The following EPG5 variants were observed in gnomAD, a reference collection of about 807,000 sequenced individuals.
The protein encoded by EPG5 is ectopic P-granules 5 autophagy tethering factor.
A neutral mutation model predicts 302.7 loss-of-function variants in EPG5; 159 were observed. The observed-to-expected ratio is 0.53, with a 90% CI of 0.46 to 0.60. EPG5 has a LOEUF of 0.60. Ranked by LOEUF, EPG5 falls within the 20% of genes least tolerant of loss-of-function variation. The probability of loss-of-function intolerance (pLI) is 0.00; values close to 1 mark genes in which losing one functional copy is unlikely to be tolerated. For missense variants in EPG5, 2,896 were observed against 3,092.4 expected (o/e 0.94, Z 1.51); for synonymous variants, 1,158 against 1,136.8 (o/e 1.02, Z -0.37).
At chr18:45,803,434 G>A in the EPG5 span, among the ~76,000 whole-genome samples, 1 of 152,162 alleles carries the variant, frequency 6.6e-6, no homozygotes, top group Non-Finnish European at 1.5e-5. Context: ...TGGAAGAAAG[G>A]GTTAGTAGGA....
At chr18:45,954,309 G>T in intron 2 of EPG5, 85 bp downstream of exon 2, 2 of 1,235,828 alleles carry the variant, frequency 1.6e-6, no homozygotes, top group Non-Finnish European at 2.3e-6. Context: ...GGTCAGAGTG[G>T]GTGTAAGGCA....
chr18:45,878,881 G>T, intron 33 of EPG5, 132 bp downstream of exon 33: 1 of 686,324 alleles, frequency 1.5e-6, no homozygotes, highest in Non-Finnish European at 2.5e-6. Flanking sequence ...ACATATATGG[G>T]CTCATGCCTG....
At position 45,954,655 on chromosome 18, in the gene EPG5, T is replaced by C. The variant is rs1238499341; in HGVS notation, c.747A>G (p.Gln249=). ...SERLYPELPS[Q]LELVPFTKEQ... ...CTTTAGTAAATGGTACTAGTTCCAGTTGAGACGGGAGTTCTGGGTAGAGTC... is the reference window on the plus strand; with the variant it reads ...CTTTAGTAAATGGTACTAGTTCCAGCTGAGACGGGAGTTCTGGGTAGAGTC... The change falls in exon 2 of 44, where the codon CAA becomes CAG. Residue 249 remains glutamine, a synonymous_variant. Coordinates refer to ENST00000282041, the MANE Select transcript of EPG5 (RefSeq NM_020964.3). 1 of 1,614,138 alleles carries C rather than the reference T, an allele frequency of 6.2e-7. No individual in the cohort carries two copies. The highest frequency in any genetic ancestry group is 1.3e-5 in the African/African-American group (1 of 74,948).
At chr18:45,956,610 A>G (rs2051038636) in intron 1 of EPG5, among the ~76,000 whole-genome samples, 1 of 151,890 alleles carries the variant, frequency 6.6e-6, no homozygotes, top group Non-Finnish European at 1.5e-5. Flanking sequence ...GCACCTGACT[A>G]ATTTTTTGTA....
intron 23 of EPG5, among the ~76,000 whole-genome samples, chr18:45,908,914 A>C (rs1599548225): frequency 6.6e-6 from 1 of 151,996 alleles, no homozygotes; most frequent in Non-Finnish European, 1.5e-5. Context: ...GTGCCACTGC[A>C]CTTCAGCCTG....
Position 45,948,503 on chromosome 18 carries a change from T to A in EPG5, c.1571A>T (p.Lys524Ile). 1 of 1,612,296 alleles carries A rather than the reference T, an allele frequency of 6.2e-7. No individual in the cohort carries two copies. The highest frequency in any genetic ancestry group is 8.5e-7 in the Non-Finnish European group (1 of 1,178,422). ...QSLALLMSPV[K>I]NRAEFMCHMK... Reference sequence around the variant, plus strand: ...CTTCACAAAGCTCTTGCACACTTACTTGACAGGAGACATCAGCAGGGCAAG... The same window carrying A: ...CTTCACAAAGCTCTTGCACACTTACATGACAGGAGACATCAGCAGGGCAAG... The change falls in exon 6 of 44, where the codon AAA becomes ATA. Residue 524 changes from lysine to isoleucine, a missense_variant and splice_region_variant. Transcript: ENST00000282041.
chr18:45,893,259 A>T (rs145705427), intron 27 of EPG5, among the ~76,000 whole-genome samples: 2 of 152,298 alleles, frequency 1.3e-5, no homozygotes, highest in Non-Finnish European at 2.9e-5. Flanking sequence ...ACTCATCCTC[A>T]TTCTGTGAAG....
At chr18:45,948,058 A>T in intron 6 of EPG5, among the ~76,000 whole-genome samples, 1 of 152,122 alleles carries the variant, frequency 6.6e-6, no homozygotes, top group East Asian at 1.9e-4. Context: ...TACAGGTGTG[A>T]GCCACCATGC....
chr18:45,889,366 A>G (rs889222983), intron 28 of EPG5, among the ~76,000 whole-genome samples: 4 of 152,274 alleles, frequency 2.6e-5, no homozygotes, highest in African/African-American at 9.6e-5. Context: ...AACTTTGTTC[A>G]GTCATCTGAG....
In EPG5 at chr18:45,928,874, C is replaced by T. The variant is rs199547969; in HGVS notation, c.2548G>A (p.Gly850Arg). 6.8e-6 allele frequency: 11 copies of T among 1,611,804 alleles called. No homozygotes were observed. The highest frequency in any genetic ancestry group is 1.7e-5 in the Admixed American group (1 of 59,564). ...AACAAAATCAGTGCTCTTACCATTC[C>T]AACCTGGTCAATGGTCTCTTGAACT... ...DRVQETIDQVGMVSLYLFKEL... is the reference protein window; with the variant it reads ...DRVQETIDQVRMVSLYLFKEL... The change falls in exon 13 of 44, where the codon GGA (glycine) becomes AGA (arginine). Residue 850 changes from glycine to arginine, a missense_variant. Gly to Arg is a moderately radical substitution (Grantham distance 125, BLOSUM62 -2). Around this residue, in one of 5 missense-constraint regions of EPG5, gnomAD observed 1,390 missense variants for 1,430.0 expected, o/e 0.97. Transcript: ENST00000282041.
At chr18:45,837,412 G>T in the EPG5 span, 1 of 1,375,444 alleles carries the variant, frequency 7.3e-7, no homozygotes, top group Non-Finnish European at 9.4e-7. Flanking sequence ...TCCAGGCTAG[G>T]GGTTGGGGGA....
At chr18:45,945,292 T>C (rs1354750272) in intron 7 of EPG5, among the ~76,000 whole-genome samples, 1 of 152,224 alleles carries the variant, frequency 6.6e-6, no homozygotes, top group African/African-American at 2.4e-5. Flanking sequence ...AGGGAGGCTT[T>C]TAACTATTTG....
At chr18:45,838,948 C>T in the EPG5 span, 2 of 1,605,254 alleles carry the variant, frequency 1.2e-6, no homozygotes, top group Middle Eastern at 1.7e-4. Context: ...CGCCAACAGC[C>T]TGGGCCGCTC....
At chr18:45,824,839 G>C in the EPG5 span, among the ~76,000 whole-genome samples, 27 of 152,256 alleles carry the variant, frequency 1.8e-4, no homozygotes, top group African/African-American at 6.0e-4. Context: ...AACAGGCTCT[G>C]TGGGCCTGTT....
chr18:45,862,481 A>C (rs1185435886), intron 39 of EPG5, among the ~76,000 whole-genome samples: 1 of 152,160 alleles, frequency 6.6e-6, no homozygotes, highest in Non-Finnish European at 1.5e-5. Flanking sequence ...GTTGGAGCAG[A>C]GTTTAGTGTG....
At chr18:45,931,815 AC>A (rs2050403078) in intron 11 of EPG5, among the ~76,000 whole-genome samples, 1 of 152,056 alleles carries the variant, frequency 6.6e-6, no homozygotes, top group Admixed American at 6.6e-5. Flanking sequence ...CACCTGGGCA[AC>A]AGAGCAAGAC....
the EPG5 span, among the ~76,000 whole-genome samples, chr18:45,806,872 A>C: frequency 1.3e-5 from 2 of 152,116 alleles, no homozygotes; most frequent in African/African-American, 4.8e-5. Flanking sequence ...CCTGGTCAGA[A>C]CTCAGGGGAG....
intron 1 of EPG5, among the ~76,000 whole-genome samples, chr18:45,956,389 T>C (rs1026693575): frequency 6.6e-6 from 1 of 152,156 alleles, no homozygotes; most frequent in African/African-American, 2.4e-5. Flanking sequence ...ATGGAAAAAC[T>C]GGTGAAGTTC....
intron 11 of EPG5, among the ~76,000 whole-genome samples, chr18:45,931,174 T>C (rs1267045224): frequency 6.6e-6 from 1 of 152,240 alleles, no homozygotes; most frequent in Non-Finnish European, 1.5e-5. Flanking sequence ...GGCAGTCACC[T>C]TCAAAGGCAG....
Sources: allele counts gnomAD v4.1 joint callset (sites outside exome capture counted in the v4.1 genomes callset), GRCh38; gene constraint gnomAD v4.1.1; regional missense constraint gnomAD v4.1.1; transcripts MANE v1.5; gene names NCBI Gene and HGNC (gene_info 2026-07-23, HGNC 2026-07-21).